MMD2: variants seen among roughly 807,000 people sequenced by gnomAD.
MMD2 encodes the protein monocyte to macrophage differentiation associated 2, also known as monocyte to macrophage differentiation factor 2.
Under a neutral mutation model 33.5 loss-of-function variants are expected in MMD2, and 30 were observed. The ratio of observed to expected loss-of-function variants is 0.90; its 90% CI spans 0.67 to 1.22. The LOEUF (loss-of-function observed/expected upper bound fraction) is 1.22. MMD2 is among the 50% of genes most tolerant of loss of function. The probability of loss-of-function intolerance (pLI) is 0.00; values close to 1 mark genes in which losing one functional copy is unlikely to be tolerated. For missense variants in MMD2, 364 were observed against 325.4 expected (o/e 1.12, Z -0.91); for synonymous variants, 129 against 123.0 (o/e 1.05, Z -0.32).
rs542127622 is a variant in MMD2 at position 4,906,924 on chromosome 7, C to A, written c.*472G>T. ...TGCCATGGTCACAGCCATTCACCAT[C>A]CCTCATCTTCAAGCTGGGCTGTCCC... On this transcript the variant is annotated 3_prime_UTR_variant, in exon 7 of 7. Transcript: ENST00000401401. The A allele has an allele frequency of 1.3e-5, 3 of 238,456 alleles. No homozygotes were observed. Among genetic ancestry groups the A allele is most frequent in the East Asian group, 1.8e-4 (2 of 10,948 alleles). The allele number at this position is 238,456 out of a possible 1,614,324, so 14.8% of individuals were successfully genotyped here.
At chr7:4,923,767 A>G (rs1785346479) in intron 2 of MMD2, among the ~76,000 whole-genome samples, 1 of 152,130 alleles carries the variant, frequency 6.6e-6, no homozygotes. Flanking sequence ...TGCACACAGC[A>G]TGGGACTTCA....
At chr7:4,925,053 C>G (rs1429731848) in intron 2 of MMD2, among the ~76,000 whole-genome samples, 1 of 152,114 alleles carries the variant, frequency 6.6e-6, no homozygotes, top group Non-Finnish European at 1.5e-5. Flanking sequence ...GTCTCAGCCT[C>G]CAGAGTAGCT....
At chr7:4,945,237 T>TTCTTCTTCTTCC (rs1451038341) in intron 1 of MMD2, among the ~76,000 whole-genome samples, 8 of 147,116 alleles carry the variant, frequency 5.4e-5, no homozygotes, top group African/African-American at 1.5e-4. Flanking sequence ...CTTCTTCTTC[T>TTCTTCTTCTTCC]TCCTCTCTCT....
At position 4,907,229 on chromosome 7, in the gene MMD2, G is replaced by A. The variant is rs55935353; in HGVS notation, c.*167C>T. The A allele has an allele frequency of 0.034, 21,188 of 630,164 alleles. 1,237 individuals carry two copies. The highest frequency in any genetic ancestry group is 0.2 in the East Asian group (7,261 of 36,648). 39.0% of individuals were successfully genotyped at this position (630,164 alleles called of 1,614,324 possible). A position where few individuals can be genotyped will look rare whatever the true frequency, so the allele number is the denominator to read the frequency against. ...AGAATGGCTAAATGCTTTCTTTCTCGCTGGGGACTCGAGGGATGATCTGGC... is the reference window on the plus strand; with the variant it reads ...AGAATGGCTAAATGCTTTCTTTCTCACTGGGGACTCGAGGGATGATCTGGC... On this transcript the variant is annotated 3_prime_UTR_variant, in exon 7 of 7. Transcript: ENST00000401401.
intron 4 of MMD2, 37 bp from the exon 5 acceptor site, chr7:4,911,283 GGGCCCACCAGGACCCC>G: frequency 6.6e-7 from 1 of 1,520,716 alleles, no homozygotes; most frequent in South Asian, 1.2e-5. Flanking sequence ...GCCCTGAGGG[GGGCCCACCAGGACCCC>G]GGCCCTCGAG....
At chr7:4,944,972 T>C (rs1786016463) in intron 1 of MMD2, among the ~76,000 whole-genome samples, 2 of 151,122 alleles carry the variant, frequency 1.3e-5, no homozygotes, top group African/African-American at 4.9e-5. Context: ...GGTTTCACCA[T>C]GTTAGCCAGG....
rs150763356 is a variant in MMD2 at position 4,932,496 on chromosome 7, C to T, written c.48-6964G>A. Among the ~76,000 whole-genome samples the T allele has an allele frequency of 4.5e-4, 68 of 152,152 alleles. 1 individual carries two copies. The East Asian group carries it at 0.011, about 25-fold the overall frequency. On this transcript the variant is annotated intron_variant, in intron 1 of 6. Transcript: ENST00000401401. ...ATACGGAGAGTCCTGTAACTGCCACCGCCACCATCAAGGTGAATAACAGAT... is the reference window on the plus strand; with the variant it reads ...ATACGGAGAGTCCTGTAACTGCCACTGCCACCATCAAGGTGAATAACAGAT...
At chr7:4,923,836 A>G (rs1313031762) in intron 2 of MMD2, among the ~76,000 whole-genome samples, 1 of 152,164 alleles carries the variant, frequency 6.6e-6, no homozygotes, top group African/African-American at 2.4e-5. Context: ...AAAGGGACTG[A>G]CTGAGAAAAT....
chr7:4,956,909 C>G (rs536557383), intron 1 of MMD2, among the ~76,000 whole-genome samples: 118 of 152,144 alleles, frequency 7.8e-4, no homozygotes, highest in African/African-American at 2.6e-3. Context: ...CTTTACAAGT[C>G]CAAGTGCCCA....
chr7:4,925,536 G>T lies in MMD2; in HGVS notation c.48-4C>A. ...AGGGACTCGGTGGTTCATGAACCTG[G>T]AAGGAGAGGGAGAATTCCAGGAAGC... On this transcript the variant is annotated splice_region_variant and splice_polypyrimidine_tract_variant and intron_variant, in intron 1 of 6. Transcript: ENST00000401401. 1.3e-6 allele frequency: 2 copies of T among 1,562,902 alleles called. No individual in the cohort carries two copies. The highest frequency in any genetic ancestry group is 1.7e-6 in the Non-Finnish European group (2 of 1,153,022).
At chr7:4,926,006 A>G (rs1356727917) in intron 1 of MMD2, among the ~76,000 whole-genome samples, 2 of 151,956 alleles carry the variant, frequency 1.3e-5, no homozygotes, top group Non-Finnish European at 2.9e-5. Flanking sequence ...GGGTTTCACC[A>G]TGTTGGCCAG....
Position 4,925,475 on chromosome 7 carries a change from A to G in MMD2, c.105T>C (p.His35=), listed in dbSNP as rs376714502. Residue 35 remains histidine (H), a synonymous_variant, in exon 2 of 7, where the codon CAT becomes CAC. Transcript: ENST00000401401. ...HKRYQPTEYE[H]AANCATHAFW... is the part of the protein sequence containing the mutation. ...CAGCATGGGTGGCACAGTTGGCCGCATGTTCATACTCTGTGGGCTGGTACC... is the reference window on the plus strand; with the variant it reads ...CAGCATGGGTGGCACAGTTGGCCGCGTGTTCATACTCTGTGGGCTGGTACC... 24 of 1,559,462 alleles carry G rather than the reference A, an allele frequency of 1.5e-5. No individual in the cohort carries two copies. The highest frequency in any genetic ancestry group is 2.1e-5 in the Non-Finnish European group (24 of 1,150,008).
At chr7:4,950,151 G>A (rs974135013) in intron 1 of MMD2, among the ~76,000 whole-genome samples, 1 of 151,782 alleles carries the variant, frequency 6.6e-6, no homozygotes, top group Non-Finnish European at 1.5e-5. Context: ...CCAGGCTGGA[G>A]TGCGATGGGC....
intron 4 of MMD2, among the ~76,000 whole-genome samples, chr7:4,913,599 T>G (rs1451576413): frequency 2.6e-5 from 4 of 151,786 alleles, no homozygotes; most frequent in African/African-American, 9.7e-5. Context: ...AAGCCTATAA[T>G]TCCAGCTATT....
chr7:4,898,034 G>T, the MMD2 span, among the ~76,000 whole-genome samples: 120 of 152,142 alleles, frequency 7.9e-4, no homozygotes, highest in African/African-American at 2.8e-3. Context: ...CACCGCACCC[G>T]GCCTATCTCT....
At chr7:4,922,994 GA>G (rs1785326054) in intron 2 of MMD2, among the ~76,000 whole-genome samples, 1 of 152,122 alleles carries the variant, frequency 6.6e-6, no homozygotes. Context: ...GCTGGACTAT[GA>G]ATATGCCTTG....
At chr7:4,933,328 C>T (rs763863905) in intron 1 of MMD2, among the ~76,000 whole-genome samples, 11 of 152,144 alleles carry the variant, frequency 7.2e-5, no homozygotes, top group Non-Finnish European at 1.2e-4. Context: ...TGCCACTGCA[C>T]TCCAGCCTGC....
intron 2 of MMD2, among the ~76,000 whole-genome samples, chr7:4,925,035 A>T (rs1785385993): frequency 6.6e-6 from 1 of 152,070 alleles, no homozygotes; most frequent in Non-Finnish European, 1.5e-5. Context: ...GGTTCAAGAG[A>T]TTCCCCTGTC....
chr7:4,933,665 GTCTATCAC>G (rs1465568667), intron 1 of MMD2, among the ~76,000 whole-genome samples: 2 of 151,480 alleles, frequency 1.3e-5, no homozygotes, highest in Non-Finnish European at 2.9e-5. Context: ...TTTAGATAGG[GTCTATCAC>G]CCTGGCTGGA....
Sources: allele counts gnomAD v4.1 joint callset (sites outside exome capture counted in the v4.1 genomes callset), GRCh38; gene constraint gnomAD v4.1.1; transcripts MANE v1.5; gene names NCBI Gene and HGNC (gene_info 2026-07-23, HGNC 2026-07-21).